The following PPP1R14C variants were observed in gnomAD, a reference collection of about 807,000 sequenced individuals.
The protein encoded by PPP1R14C is protein phosphatase 1 regulatory inhibitor subunit 14C, also known as protein phosphatase 1 regulatory subunit 14C.
Under a neutral mutation model 20.4 loss-of-function variants are expected in PPP1R14C, and 16 were observed. The ratio of observed to expected loss-of-function variants is 0.78; its 90% CI spans 0.53 to 1.19. The LOEUF (loss-of-function observed/expected upper bound fraction) is 1.19. Among genes scored for constraint, PPP1R14C ranks in the 50% most tolerant of loss-of-function variants. The pLI, the probability that PPP1R14C is intolerant of heterozygous loss-of-function variation, is 0.00. For missense variants in PPP1R14C, 211 were observed against 220.1 expected (o/e 0.96, Z 0.26); for synonymous variants, 91 against 91.0 (o/e 1.00, Z 0.00).
At chr6:150,164,327 G>A (rs1163239542) in intron 1 of PPP1R14C, among the ~76,000 whole-genome samples, 2 of 152,166 alleles carry the variant, frequency 1.3e-5, no homozygotes, top group Non-Finnish European at 1.5e-5. Flanking sequence ...TTGGTGAACT[G>A]CCTTTTTCAC....
intron 3 of PPP1R14C, among the ~76,000 whole-genome samples, chr6:150,234,194 C>T (rs1415611872): frequency 2.0e-5 from 3 of 152,152 alleles, no homozygotes; most frequent in African/African-American, 7.2e-5. Context: ...TACTGCTATA[C>T]ACTCACTAGA....
intron 3 of PPP1R14C, among the ~76,000 whole-genome samples, chr6:150,245,060 C>T (rs541120351): frequency 1.3e-5 from 2 of 152,262 alleles, no homozygotes; most frequent in South Asian, 4.2e-4. Context: ...GCAAATGGCA[C>T]TATCTTTTCC....
In PPP1R14C at chr6:150,143,275, G is replaced by T. The variant is rs779855341; in HGVS notation, c.83G>T (p.Gly28Val). 2 of 1,526,156 alleles carry T rather than the reference G, an allele frequency of 1.3e-6. No homozygotes were observed. Among genetic ancestry groups the T allele is most frequent in the South Asian group, 2.4e-5 (2 of 83,072 alleles). 94.5% of individuals were successfully genotyped at this position (1,526,156 alleles called of 1,614,324 possible). A position where few individuals can be genotyped will look rare whatever the true frequency, so the allele number is the denominator to read the frequency against. ...CGGGTTTTCTTCCAAAGCCCCCGGGGTGGCGCCGGTGGCAGCCCCGGCTCC... is the reference window on the plus strand; with the variant it reads ...CGGGTTTTCTTCCAAAGCCCCCGGGTTGGCGCCGGTGGCAGCCCCGGCTCC... ...GARVFFQSPR[G>V]GAGGSPGSSS... The change falls in exon 1 of 4, where the codon GGT becomes GTT. Residue 28 changes from glycine (G) to valine (V), a missense_variant. Gly to Val is a moderately radical substitution (Grantham distance 109). Coordinates refer to ENST00000361131, the MANE Select transcript of PPP1R14C (RefSeq NM_030949.3). This position sits in a 1 kb window ranked among gnomAD's most constrained non-coding sequence, Gnocchi z 5.6.
intron 1 of PPP1R14C, among the ~76,000 whole-genome samples, chr6:150,173,951 AC>A (rs973248726): frequency 4.0e-5 from 6 of 150,922 alleles, no homozygotes; most frequent in Admixed American, 6.6e-5. Flanking sequence ...CCCAACTTGA[AC>A]CCCGTCTCCA....
Position 150,165,458 on chromosome 6 carries a change from G to A in PPP1R14C, c.306+21960G>A, listed in dbSNP as rs371208084. Among the ~76,000 whole-genome samples, 77 of 152,320 alleles carry A rather than the reference G, an allele frequency of 5.1e-4. 1 individual carries two copies. The South Asian group carries it at 0.015, about 29-fold the overall frequency. ...CTGCTGGCTAAAGTCCTTGGGGAAGGCTGGTTGACCTCAGGTTGTCCAGTT... is the reference window on the plus strand; with the variant it reads ...CTGCTGGCTAAAGTCCTTGGGGAAGACTGGTTGACCTCAGGTTGTCCAGTT... On this transcript the variant is annotated intron_variant, in intron 1 of 3. Transcript: ENST00000361131.
At chr6:150,243,174 CTTTTTT>C (rs574248701) in intron 3 of PPP1R14C, among the ~76,000 whole-genome samples, 2 of 129,290 alleles carry the variant, frequency 1.5e-5, no homozygotes, top group Non-Finnish European at 3.3e-5. Flanking sequence ...TCTAAAATTC[CTTTTTT>C]TTTTTTTTTT....
chr6:150,183,319 C>T (rs909283792), intron 1 of PPP1R14C, among the ~76,000 whole-genome samples: 10 of 151,646 alleles, frequency 6.6e-5, no homozygotes, highest in African/African-American at 1.7e-4. Context: ...TTGGTCAAAA[C>T]GGGTATGTAA....
At chr6:150,205,031 C>A in intron 1 of PPP1R14C, among the ~76,000 whole-genome samples, 1 of 149,376 alleles carries the variant, frequency 6.7e-6, no homozygotes. Flanking sequence ...GTCTGGAGCA[C>A]TTTGATAATC....
In PPP1R14C at chr6:150,165,807, A is replaced by T. The variant is rs140787291; in HGVS notation, c.306+22309A>T. On this transcript the variant is annotated intron_variant, in intron 1 of 3. Coordinates refer to ENST00000361131, the MANE Select transcript of PPP1R14C (RefSeq NM_030949.3). ...TTATGTTGCTATCAGACTATTTTAA[A>T]ACAAACAAAACCCTACAAAGAAAAA... Among the ~76,000 whole-genome samples the T allele has an allele frequency of 5.0e-3, 762 of 152,366 alleles. 5 individuals carry two copies. The highest frequency in any genetic ancestry group is 0.018 in the African/African-American group (729 of 41,590).
At chr6:150,238,706 G>A (rs1040231004) in intron 3 of PPP1R14C, among the ~76,000 whole-genome samples, 3 of 152,238 alleles carry the variant, frequency 2.0e-5, no homozygotes, top group African/African-American at 7.2e-5. Flanking sequence ...CTGCATCTCA[G>A]CACTTGAGTA....
chr6:150,143,267 C>T lies in PPP1R14C; in HGVS notation c.75C>T (p.Ser25=), dbSNP rs756760712. ...SGGGARVFFQ[S]PRGGAGGSPG... ...GCGGCGCACGGGTTTTCTTCCAAAG[C>T]CCCCGGGGTGGCGCCGGTGGCAGCC... Residue 25 remains serine (S), a synonymous_variant, in exon 1 of 4, where the codon AGC becomes AGT. Transcript: ENST00000361131. The surrounding 1 kb of genome is among the most constrained non-coding windows in gnomAD (Gnocchi z 5.6). 5 of 1,496,896 alleles carry T rather than the reference C, an allele frequency of 3.3e-6. No homozygotes were observed. Among genetic ancestry groups the T allele is most frequent in the South Asian group, 1.3e-5 (1 of 79,360 alleles). The allele number at this position is 1,496,896 out of a possible 1,614,324, so 92.7% of individuals were successfully genotyped here.
intron 1 of PPP1R14C, among the ~76,000 whole-genome samples, chr6:150,179,488 C>T (rs767440608): frequency 1.3e-5 from 2 of 152,082 alleles, no homozygotes; most frequent in African/African-American, 4.8e-5. Flanking sequence ...GGGTAACAGA[C>T]AGCCCAGGTG....
intron 1 of PPP1R14C, among the ~76,000 whole-genome samples, chr6:150,168,048 CCT>C: frequency 1.2e-4 from 3 of 24,928 alleles, no homozygotes; most frequent in African/African-American, 4.9e-4. Flanking sequence ...TCCCGACTCT[CCT>C]CTCCCCCACT....
At chr6:150,226,242 T>C (rs1778228912) in intron 3 of PPP1R14C, among the ~76,000 whole-genome samples, 1 of 152,232 alleles carries the variant, frequency 6.6e-6, no homozygotes, top group Non-Finnish European at 1.5e-5. Context: ...AGAATGGTGA[T>C]TTCATTTTTT....
intron 3 of PPP1R14C, among the ~76,000 whole-genome samples, chr6:150,245,428 A>T (rs1012531104): frequency 6.6e-6 from 1 of 152,076 alleles, no homozygotes; most frequent in Non-Finnish European, 1.5e-5. Context: ...TACTGTGCCT[A>T]TGAGGCCCTG....
Position 150,143,939 on chromosome 6 carries a change from C to T in PPP1R14C, c.306+441C>T, listed in dbSNP as rs1045914900. On this transcript the variant is annotated intron_variant, in intron 1 of 3. Transcript: ENST00000361131. This position sits in a 1 kb window ranked among gnomAD's most constrained non-coding sequence, Gnocchi z 5.6. ...GGGCAGCCCTGATTTTTGTGGAGAA[C>T]GAGCAGGGAAGGAAGGAAGCTGCCT... 1.3e-5 allele frequency among the ~76,000 whole-genome samples: 2 copies of T among 152,120 alleles called. No individual in the cohort carries two copies. The highest frequency in any genetic ancestry group is 6.5e-5 in the Admixed American group (1 of 15,282).
chr6:150,186,100 G>A (rs186396438), intron 1 of PPP1R14C, among the ~76,000 whole-genome samples: 3 of 152,274 alleles, frequency 2.0e-5, no homozygotes, highest in Admixed American at 1.3e-4. Flanking sequence ...ATGGGTTTGC[G>A]ATAAATGGAG....
intron 1 of PPP1R14C, among the ~76,000 whole-genome samples, chr6:150,200,171 G>GATATATATAT (rs145406314): frequency 0.023 from 3,393 of 147,944 alleles, 118 homozygotes; most frequent in African/African-American, 0.077. Context: ...GCTTTTATAG[G>GATATATATAT]ATATATATAT....
chr6:150,200,004 C>G (rs1458375459), intron 1 of PPP1R14C, among the ~76,000 whole-genome samples: 1 of 152,194 alleles, frequency 6.6e-6, no homozygotes, highest in Admixed American at 6.5e-5. Context: ...GAAGGTAACT[C>G]TGTGTCATTT....
Sources: allele counts gnomAD v4.1 joint callset (sites outside exome capture counted in the v4.1 genomes callset), GRCh38; gene constraint gnomAD v4.1.1; non-coding constraint Gnocchi (gnomAD v3.1); transcripts MANE v1.5; gene names NCBI Gene and HGNC (gene_info 2026-07-23, HGNC 2026-07-21).